Variants in KCND2 observed in about 807,000 individuals in gnomAD.
The protein encoded by KCND2 is potassium voltage-gated channel subfamily D member 2, also known as A-type voltage-gated potassium channel KCND2.
In KCND2, 16 loss-of-function variants were observed where a neutral mutation model predicts 54.4. The ratio of observed to expected loss-of-function variants is 0.29; its 90% confidence interval spans 0.20 to 0.45. The LOEUF is 0.45. KCND2 is among the 20% of genes least tolerant of loss of function. The pLI is 1.00. For synonymous variants in KCND2, 317 were observed against 310.7 expected, an observed-to-expected ratio of 1.02 and a Z score of -0.21; for missense variants, 486 against 824.2, an observed-to-expected ratio of 0.59 and a Z score of 5.02.
chr7:120,660,004 CT>C (rs1480812938), intron 1 of KCND2, among the ~76,000 whole-genome samples: 1 of 152,138 alleles, frequency 6.6e-6, no homozygotes, highest in Non-Finnish European at 1.5e-5. Flanking sequence ...CTCATCACCT[CT>C]GACGACATGC....
intron 1 of KCND2, among the ~76,000 whole-genome samples, chr7:120,360,528 G>A (rs543516447): frequency 1.3e-5 from 2 of 152,172 alleles, no homozygotes; most frequent in East Asian, 3.9e-4. Flanking sequence ...CTTAAAGTCT[G>A]TAAAAAGATT....
chr7:120,510,322 C>T (rs1803094290), intron 1 of KCND2, among the ~76,000 whole-genome samples: 3 of 152,056 alleles, frequency 2.0e-5, no homozygotes, highest in Admixed American at 6.6e-5. Flanking sequence ...AAACTGACTC[C>T]AGAATGTTGA....
chr7:120,746,618 T>G (rs1331183557), intron 5 of KCND2: 2 of 153,128 alleles, frequency 1.3e-5, no homozygotes, highest in Non-Finnish European at 2.9e-5. Context: ...ATGAACAAAT[T>G]AAGTAAAACT....
At chr7:120,445,176 G>A (rs1802002493) in intron 1 of KCND2, among the ~76,000 whole-genome samples, 1 of 152,088 alleles carries the variant, frequency 6.6e-6, no homozygotes, top group Non-Finnish European at 1.5e-5. Context: ...ACAAATGACA[G>A]TCATATTCAT....
At chr7:120,741,854 A>G (rs932191568) in intron 3 of KCND2, among the ~76,000 whole-genome samples, 3 of 152,220 alleles carry the variant, frequency 2.0e-5, no homozygotes, top group Middle Eastern at 3.4e-3. Context: ...CATGATGCCT[A>G]TTCATCATTG....
intron 1 of KCND2, among the ~76,000 whole-genome samples, chr7:120,435,089 A>C (rs2116175582): frequency 7.3e-6 from 1 of 136,442 alleles, no homozygotes; most frequent in African/African-American, 2.8e-5. Flanking sequence ...ACAAACAATA[A>C]ATTTTATTTA....
At chr7:120,478,330 G>A (rs564617692) in intron 1 of KCND2, among the ~76,000 whole-genome samples, 2 of 152,006 alleles carry the variant, frequency 1.3e-5, no homozygotes, top group South Asian at 4.2e-4. Context: ...TTTCACTTAC[G>A]TCACACATTT....
intron 1 of KCND2, among the ~76,000 whole-genome samples, chr7:120,386,627 A>G (rs1353308679): frequency 2.0e-5 from 3 of 152,166 alleles, no homozygotes; most frequent in Admixed American, 6.6e-5. Flanking sequence ...TATTTGTGAG[A>G]TCCAGTCTTC....
chr7:120,706,156 C>A (rs1175466343), intron 1 of KCND2, among the ~76,000 whole-genome samples: 13 of 152,002 alleles, frequency 8.6e-5, no homozygotes, highest in Non-Finnish European at 1.5e-5. Flanking sequence ...TGCTTGTTAC[C>A]CCCATAATAC....
intron 1 of KCND2, among the ~76,000 whole-genome samples, chr7:120,479,261 T>C (rs1357819007): frequency 6.6e-6 from 1 of 152,146 alleles, no homozygotes; most frequent in Non-Finnish European, 1.5e-5. Context: ...GAAAAAAATA[T>C]AAACATATGT....
intron 1 of KCND2, among the ~76,000 whole-genome samples, chr7:120,628,137 T>C (rs563026519): frequency 1.3e-5 from 2 of 152,330 alleles, no homozygotes; most frequent in African/African-American, 4.8e-5. Flanking sequence ...TAGCAATGAA[T>C]GTTCAAAGAT....
intron 1 of KCND2, among the ~76,000 whole-genome samples, chr7:120,343,018 A>G (rs1375997966): frequency 6.6e-6 from 1 of 152,184 alleles, no homozygotes; most frequent in Non-Finnish European, 1.5e-5. Flanking sequence ...GAGCTCTGCC[A>G]TCCACTAGAA....
intron 1 of KCND2, among the ~76,000 whole-genome samples, chr7:120,546,936 C>A (rs1792049109): frequency 6.6e-6 from 1 of 151,644 alleles, no homozygotes; most frequent in Admixed American, 6.6e-5. Context: ...CATTTGGATT[C>A]TCGGTGAATA....
chr7:120,559,806 T>G (rs953805871), intron 1 of KCND2, among the ~76,000 whole-genome samples: 2 of 152,202 alleles, frequency 1.3e-5, no homozygotes, highest in Non-Finnish European at 2.9e-5. Context: ...TACATAAGTC[T>G]TCTGCATCAG....
intron 1 of KCND2, among the ~76,000 whole-genome samples, chr7:120,499,874 T>C (rs1035132727): frequency 1.3e-5 from 2 of 152,118 alleles, no homozygotes; most frequent in African/African-American, 4.8e-5. Flanking sequence ...TTTATCCTAT[T>C]AGATGACTCA....
intron 1 of KCND2, among the ~76,000 whole-genome samples, chr7:120,456,034 A>T (rs1802196011): frequency 6.6e-6 from 1 of 152,146 alleles, no homozygotes; most frequent in Non-Finnish European, 1.5e-5. Context: ...ATTATCTATT[A>T]TTGTTGATTA....
chr7:120,747,581 T>A, intron 5 of KCND2, 100 bp from the exon 6 acceptor site: 2 of 805,202 alleles, frequency 2.5e-6, no homozygotes, highest in Non-Finnish European at 4.1e-6. Context: ...CCTTAGACAA[T>A]TAAAATATTT....
At chr7:120,676,901 C>A (rs151146220) in intron 1 of KCND2, among the ~76,000 whole-genome samples, 1 of 152,294 alleles carries the variant, frequency 6.6e-6, no homozygotes, top group African/African-American at 2.4e-5. Flanking sequence ...CATGCACTTT[C>A]TTTTAAAGGA....
chr7:120,444,921 A>G (rs533520528), intron 1 of KCND2, among the ~76,000 whole-genome samples: 43 of 152,204 alleles, frequency 2.8e-4, no homozygotes, highest in Non-Finnish European at 6.0e-4. Flanking sequence ...CACGACCTCA[A>G]CTGTCATTGG....
Sources: allele counts gnomAD v4.1 joint callset (sites outside exome capture counted in the v4.1 genomes callset), GRCh38; gene constraint gnomAD v4.1.1; transcripts MANE v1.5; gene names NCBI Gene and HGNC (gene_info 2026-07-23, HGNC 2026-07-21).